The following DCC variants were observed in gnomAD, a reference collection of about 807,000 sequenced individuals.
DCC encodes DCC netrin 1 receptor, also known as netrin receptor DCC.
A neutral mutation model predicts 172.5 loss-of-function variants in DCC; 58 were observed. The ratio of observed to expected loss-of-function variants is 0.34; its 90% CI spans 0.27 to 0.42. The LOEUF (loss-of-function observed/expected upper bound fraction) is 0.42. DCC is among the 10% of genes least tolerant of loss of function. DCC has a pLI of 1.00. For synonymous variants in DCC, 709 were observed against 644.5 expected, an observed-to-expected ratio of 1.10 and a Z score of -1.52; for missense variants, 1,740 against 1,791.0, an observed-to-expected ratio of 0.97 and a Z score of 0.51.
At chr18:52,914,711 C>G (rs946423588) in intron 3 of DCC, among the ~76,000 whole-genome samples, 5 of 152,104 alleles carry the variant, frequency 3.3e-5, no homozygotes, top group African/African-American at 1.2e-4. Context: ...AGAGTACCTA[C>G]TGGTGTTTGA....
At chr18:53,020,221 T>C (rs1433543841) in intron 5 of DCC, among the ~76,000 whole-genome samples, 1 of 152,190 alleles carries the variant, frequency 6.6e-6, no homozygotes, top group Non-Finnish European at 1.5e-5. Flanking sequence ...CCAAATGTTT[T>C]AGGGCAATTT....
intron 12 of DCC, among the ~76,000 whole-genome samples, chr18:53,234,003 C>G (rs955293498): frequency 6.6e-6 from 1 of 152,138 alleles, no homozygotes; most frequent in African/African-American, 2.4e-5. Flanking sequence ...GTAGTCCCAG[C>G]ACTTTGGGAG....
At chr18:53,029,006 C>G (rs1241424289) in intron 5 of DCC, among the ~76,000 whole-genome samples, 1 of 152,008 alleles carries the variant, frequency 6.6e-6, no homozygotes, top group East Asian at 1.9e-4. Flanking sequence ...GTCTTTACAA[C>G]TAATTCACAA....
At chr18:53,512,323 T>A (rs1467410139) in intron 27 of DCC, among the ~76,000 whole-genome samples, 2 of 148,030 alleles carry the variant, frequency 1.4e-5, no homozygotes, top group African/African-American at 2.5e-5. Flanking sequence ...ATCACCATCA[T>A]CAAAGACCAA....
intron 2 of DCC, among the ~76,000 whole-genome samples, chr18:52,873,136 C>T (rs2039348026): frequency 1.3e-5 from 2 of 152,118 alleles, no homozygotes; most frequent in South Asian, 2.1e-4. Flanking sequence ...TTTACCTTCC[C>T]ACAAGTCTCA....
intron 2 of DCC, among the ~76,000 whole-genome samples, chr18:52,791,524 C>T (rs1208478836): frequency 2.0e-5 from 3 of 151,816 alleles, no homozygotes; most frequent in Non-Finnish European, 2.9e-5. Flanking sequence ...CATCACCAAC[C>T]GTGGCTGCAG....
chr18:52,810,502 A>C (rs2038175457), intron 2 of DCC, among the ~76,000 whole-genome samples: 1 of 152,210 alleles, frequency 6.6e-6, no homozygotes, highest in South Asian at 2.1e-4. Context: ...AGGGCAAAGA[A>C]GAATTTTAGT....
At chr18:53,320,900 C>T (rs1358579532) in intron 13 of DCC, among the ~76,000 whole-genome samples, 1 of 152,076 alleles carries the variant, frequency 6.6e-6, no homozygotes. Context: ...AAATTAGAAG[C>T]TTCTTTAGAG....
intron 2 of DCC, among the ~76,000 whole-genome samples, chr18:52,904,219 C>A (rs1489765410): frequency 6.6e-6 from 1 of 152,184 alleles, no homozygotes; most frequent in African/African-American, 2.4e-5. Flanking sequence ...ATTAATCTTT[C>A]TTACAAAGAA....
intron 1 of DCC, among the ~76,000 whole-genome samples, chr18:52,704,538 T>C (rs1487724573): frequency 6.6e-6 from 1 of 152,248 alleles, no homozygotes; most frequent in East Asian, 1.9e-4. Context: ...TTATTAAAGA[T>C]GGTGATTGAA....
At chr18:52,562,469 C>T (rs1245860261) in intron 1 of DCC, among the ~76,000 whole-genome samples, 1 of 152,060 alleles carries the variant, frequency 6.6e-6, no homozygotes, top group Non-Finnish European at 1.5e-5. Flanking sequence ...TTTATTTAGC[C>T]ACATAGAGTT....
At chr18:53,189,839 A>G (rs2055339417) in intron 9 of DCC, among the ~76,000 whole-genome samples, 2 of 152,228 alleles carry the variant, frequency 1.3e-5, no homozygotes, top group South Asian at 2.1e-4. Flanking sequence ...CATTGACCAC[A>G]TGCTTGGATT....
At chr18:53,474,555 G>T (rs1293954764) in intron 25 of DCC, among the ~76,000 whole-genome samples, 1 of 152,092 alleles carries the variant, frequency 6.6e-6, no homozygotes, top group Non-Finnish European at 1.5e-5. Context: ...AAGATTTGAT[G>T]GTTTTAAAAA....
rs547975979 is a variant in DCC, at chr18:53,095,717, C to T, written c.1261+29551C>T. 1.5e-4 allele frequency among the ~76,000 whole-genome samples: 23 copies of T among 151,144 alleles called. No homozygotes were observed. In the South Asian group the frequency reaches 4.8e-3, roughly 32 times the overall value. On this transcript the variant is annotated intron_variant, in intron 7 of 28. Coordinates refer to ENST00000442544, the MANE Select transcript of DCC (RefSeq NM_005215.4). ...GGATAACCTCCTCATTTTAAAAATC[C>T]TTAATTTATTTATATCCGTAATGTC...
At chr18:53,517,754 G>GAACAC (rs1331835376) in intron 27 of DCC, among the ~76,000 whole-genome samples, 2 of 152,046 alleles carry the variant, frequency 1.3e-5, no homozygotes, top group East Asian at 3.9e-4. Context: ...GTTGGGAGAA[G>GAACAC]AACACAATGT....
At chr18:53,266,514 C>T (rs2056676702) in intron 12 of DCC, among the ~76,000 whole-genome samples, 1 of 152,102 alleles carries the variant, frequency 6.6e-6, no homozygotes, top group African/African-American at 2.4e-5. Flanking sequence ...GATCCCTTCC[C>T]TGTGCTCTTT....
At chr18:53,421,426 A>G (rs1330653704) in intron 21 of DCC, among the ~76,000 whole-genome samples, 1 of 152,200 alleles carries the variant, frequency 6.6e-6, no homozygotes, top group Admixed American at 6.5e-5. Context: ...TTAATTCTCC[A>G]TGACCTGGAA....
chr18:52,998,067 G>A (rs888022771), intron 5 of DCC, among the ~76,000 whole-genome samples: 7 of 151,888 alleles, frequency 4.6e-5, no homozygotes, highest in South Asian at 2.1e-4. Flanking sequence ...TGCAGTAGCC[G>A]TTATCTGCAC....
chr18:52,958,295 C>T (rs987902707), intron 5 of DCC, among the ~76,000 whole-genome samples: 1 of 151,684 alleles, frequency 6.6e-6, no homozygotes, highest in African/African-American at 2.4e-5. Context: ...GATAATCTAT[C>T]AAAAAATAGA....
Sources: allele counts gnomAD v4.1 joint callset (sites outside exome capture counted in the v4.1 genomes callset), GRCh38; gene constraint gnomAD v4.1.1; transcripts MANE v1.5; gene names NCBI Gene and HGNC (gene_info 2026-07-23, HGNC 2026-07-21).